Variants in SHISA9 observed in about 807,000 individuals in gnomAD.
The protein encoded by SHISA9 is shisa family member 9.
SHISA9 carries 13 observed loss-of-function variants against 38.0 expected under a neutral mutation model. That is an observed-to-expected ratio of 0.34 (90% confidence interval 0.22 to 0.54). The LOEUF is 0.54. Ranked by LOEUF, SHISA9 falls within the 20% of genes least tolerant of loss-of-function variation. The pLI is 0.91. For synonymous variants in SHISA9, 275 were observed against 242.0 expected (o/e 1.14, Z -1.27); for missense variants, 538 against 575.8 (o/e 0.93, Z 0.67).
At chr16:13,136,287 T>C (rs1301426026) in intron 2 of SHISA9, among the ~76,000 whole-genome samples, 1 of 152,070 alleles carries the variant, frequency 6.6e-6, no homozygotes, top group Non-Finnish European at 1.5e-5. Flanking sequence ...TGAACTATTT[T>C]ATAAATAAAA....
rs539688381 is a variant in SHISA9, at chr16:13,129,132, C to T, written c.692-74262C>T. Among the ~76,000 whole-genome samples, 5 of 152,192 alleles carry T rather than the reference C, an allele frequency of 3.3e-5. No individual in the cohort carries two copies. The East Asian group carries it at 9.7e-4, about 29-fold the overall frequency. ...CTAGAAAGAAGAGTGAATAAGAAGA[C>T]AGAGTTATTGTCTTCATTTTCATTG... is the stretch of plus-strand genomic sequence containing the variant. On this transcript the variant is annotated intron_variant, in intron 2 of 4. Transcript: ENST00000558583.
At chr16:13,277,994 C>G in the SHISA9 span, among the ~76,000 whole-genome samples, 1 of 151,848 alleles carries the variant, frequency 6.6e-6, no homozygotes, top group Non-Finnish European at 1.5e-5. Flanking sequence ...GTCTTGTTCC[C>G]ATTCTCAGAG....
In SHISA9 at chr16:13,135,046, G is replaced by A. The variant is rs572811496; in HGVS notation, c.692-68348G>A. On this transcript the variant is annotated intron_variant, in intron 2 of 4. Coordinates refer to ENST00000558583, the MANE Select transcript of SHISA9 (RefSeq NM_001145204.3). ...GCTTGCTGTCAATTCACTGGCCAAA[G>A]CAAGTCACATGACTCACCTTGCTGT... Among the ~76,000 whole-genome samples the A allele has an allele frequency of 3.0e-3, 461 of 152,274 alleles. 3 individuals are homozygous for A. The highest frequency in any genetic ancestry group is 5.2e-3 in the Non-Finnish European group (355 of 68,016).
chr16:13,369,971 A>G, the SHISA9 span, among the ~76,000 whole-genome samples: 1 of 152,150 alleles, frequency 6.6e-6, no homozygotes, highest in Non-Finnish European at 1.5e-5. Flanking sequence ...GTAGTATTCC[A>G]TGGTATAAAT....
the SHISA9 span, among the ~76,000 whole-genome samples, chr16:13,259,889 G>A: frequency 8.0e-4 from 121 of 152,056 alleles, no homozygotes; most frequent in African/African-American, 2.8e-3. Context: ...CTCTGACATG[G>A]CTGGAGACAT....
chr16:13,508,191 A>C, the SHISA9 span, among the ~76,000 whole-genome samples: 1 of 152,338 alleles, frequency 6.6e-6, no homozygotes, highest in East Asian at 1.9e-4. Flanking sequence ...AAATTACATT[A>C]CACTTATTAT....
chr16:13,458,851 T>C, the SHISA9 span, among the ~76,000 whole-genome samples: 47 of 152,068 alleles, frequency 3.1e-4, no homozygotes, highest in Admixed American at 1.4e-3. Context: ...TTTTGTTTTG[T>C]TTTGTTTTGT....
chr16:13,462,863 G>A, the SHISA9 span, among the ~76,000 whole-genome samples: 2 of 152,102 alleles, frequency 1.3e-5, no homozygotes, highest in East Asian at 3.9e-4. Flanking sequence ...TCAGGAGGCC[G>A]AGGCAGGAGA....
chr16:13,134,034 G>A (rs565320878), intron 2 of SHISA9, among the ~76,000 whole-genome samples: 10 of 152,202 alleles, frequency 6.6e-5, no homozygotes, highest in East Asian at 3.9e-4. Flanking sequence ...TCTTGATCTC[G>A]ATACACTACT....
At chr16:13,355,225 G>A in the SHISA9 span, among the ~76,000 whole-genome samples, 1 of 150,326 alleles carries the variant, frequency 6.7e-6, no homozygotes, top group East Asian at 2.0e-4. Flanking sequence ...ATTGTAAGGA[G>A]AGTTTATAGG....
intron 2 of SHISA9, among the ~76,000 whole-genome samples, chr16:13,182,378 C>T (rs1018451661): frequency 2.0e-5 from 3 of 152,156 alleles, no homozygotes; most frequent in African/African-American, 4.8e-5. Flanking sequence ...AAAGAAGAAC[C>T]TTTCCTTTCC....
At chr16:13,052,161 A>G (rs970503373) in intron 2 of SHISA9, among the ~76,000 whole-genome samples, 19 of 152,216 alleles carry the variant, frequency 1.2e-4, no homozygotes, top group Non-Finnish European at 2.2e-4. Context: ...CAGTCATTAA[A>G]AAGTAATAAT....
At chr16:13,262,122 C>A in the SHISA9 span, among the ~76,000 whole-genome samples, 1 of 152,340 alleles carries the variant, frequency 6.6e-6, no homozygotes, top group Non-Finnish European at 1.5e-5. Context: ...AAACCAACAT[C>A]TCCACTATCC....
chr16:13,330,510 T>A, the SHISA9 span, among the ~76,000 whole-genome samples: 4 of 152,186 alleles, frequency 2.6e-5, no homozygotes, highest in African/African-American at 9.7e-5. Flanking sequence ...TCCAGAGATA[T>A]TCTATGAATG....
the SHISA9 span, among the ~76,000 whole-genome samples, chr16:13,387,530 A>C: frequency 6.7e-6 from 1 of 149,840 alleles, no homozygotes; most frequent in African/African-American, 2.5e-5. Flanking sequence ...TCACTCTGCC[A>C]CCAGGCTGGA....
At chr16:13,416,797 G>GA in the SHISA9 span, among the ~76,000 whole-genome samples, 4 of 149,036 alleles carry the variant, frequency 2.7e-5, no homozygotes, top group African/African-American at 9.9e-5. Context: ...GGAAGGGAAG[G>GA]AAGGAAGGAA....
At chr16:12,973,787 C>G (rs1317402260) in intron 2 of SHISA9, among the ~76,000 whole-genome samples, 1 of 152,146 alleles carries the variant, frequency 6.6e-6, no homozygotes, top group Non-Finnish European at 1.5e-5. Flanking sequence ...GTGGAAAGAG[C>G]ACTGAATTGG....
At position 13,023,472 on chromosome 16, in the gene SHISA9, A is replaced by G. The variant is rs554490520; in HGVS notation, c.691+106657A>G. ...CTTTGCTATTGTGAATAGTGCCGCAATAAACATACATGTGCATGTGTCTTT... is the reference window on the plus strand; with the variant it reads ...CTTTGCTATTGTGAATAGTGCCGCAGTAAACATACATGTGCATGTGTCTTT... On this transcript the variant is annotated intron_variant, in intron 2 of 4. Coordinates refer to ENST00000558583, the MANE Select transcript of SHISA9 (RefSeq NM_001145204.3). Among the ~76,000 whole-genome samples, 97 of 152,354 alleles carry G rather than the reference A, an allele frequency of 6.4e-4. 1 individual carries two copies. Among genetic ancestry groups the G allele is most frequent in the Non-Finnish European group, 1.2e-3 (84 of 68,046 alleles).
At chr16:13,023,809 A>C (rs1057410247) in intron 2 of SHISA9, among the ~76,000 whole-genome samples, 13 of 152,198 alleles carry the variant, frequency 8.5e-5, no homozygotes, top group African/African-American at 3.1e-4. Flanking sequence ...TTGGCTCCAT[A>C]GATGAAAGAC....
Sources: allele counts gnomAD v4.1 joint callset (sites outside exome capture counted in the v4.1 genomes callset), GRCh38; gene constraint gnomAD v4.1.1; transcripts MANE v1.5; gene names NCBI Gene and HGNC (gene_info 2026-07-23, HGNC 2026-07-21).